Variants in TRABD2B observed in about 807,000 individuals in gnomAD.
The protein encoded by TRABD2B is TraB domain containing 2B, also known as metalloprotease TIKI2.
A neutral mutation model predicts 40.1 loss-of-function variants in TRABD2B; 14 were observed. That is an observed-to-expected ratio of 0.35 (90% CI 0.23 to 0.55). The LOEUF (loss-of-function observed/expected upper bound fraction) is 0.55. Ranked by LOEUF, TRABD2B falls within the 20% of genes least tolerant of loss-of-function variation. The probability of loss-of-function intolerance (pLI) is 0.90; values close to 1 mark genes in which losing one functional copy is unlikely to be tolerated. For synonymous variants in TRABD2B, 263 were observed against 277.0 expected (o/e 0.95, Z 0.50); for missense variants, 541 against 648.6 (o/e 0.83, Z 1.80).
intron 6 of TRABD2B, 118 bp from the exon 7 acceptor site, chr1:47,766,224 A>G: frequency 3.2e-6 from 2 of 633,454 alleles, no homozygotes; most frequent in Non-Finnish European, 2.8e-6. Flanking sequence ...GGAGAAGGGA[A>G]CAAGGAGCTT....
Position 47,903,906 on chromosome 1 carries a change from C to T in TRABD2B, c.666+90128G>A, listed in dbSNP as rs149742626. Among the ~76,000 whole-genome samples the T allele has an allele frequency of 3.9e-5, 6 of 152,286 alleles. No individual in the cohort carries two copies. The South Asian group carries it at 6.2e-4, about 16-fold the overall frequency. ...AGGCTACAGGATCTGCCTGCCTGCTCCAGTTTGGTCAGATCAGGTCACTCT... is the reference window on the plus strand; with the variant it reads ...AGGCTACAGGATCTGCCTGCCTGCTTCAGTTTGGTCAGATCAGGTCACTCT... On this transcript the variant is annotated intron_variant, in intron 2 of 6. Transcript: ENST00000606738.
chr1:47,876,853 T>G (rs1243397610), intron 2 of TRABD2B, among the ~76,000 whole-genome samples: 1 of 152,146 alleles, frequency 6.6e-6, no homozygotes, highest in East Asian at 1.9e-4. Context: ...TGCTAGGTCA[T>G]TCATGCATTC....
intron 2 of TRABD2B, among the ~76,000 whole-genome samples, chr1:47,838,300 G>C (rs1273618835): frequency 6.6e-6 from 1 of 152,214 alleles, no homozygotes; most frequent in Non-Finnish European, 1.5e-5. Context: ...TAATTGTCCT[G>C]CTTGGAAGAT....
In TRABD2B at chr1:47,765,682, T is replaced by C. The variant is rs1473941610; in HGVS notation, c.*220A>G. The C allele has an allele frequency of 8.3e-6, 5 of 601,262 alleles. No homozygotes were observed. Among genetic ancestry groups the C allele is most frequent in the Non-Finnish European group, 1.5e-5 (5 of 338,848 alleles). The allele number at this position is 601,262 out of a possible 1,614,324, so 37.2% of individuals were successfully genotyped here. A position where few individuals can be genotyped will look rare whatever the true frequency, so the allele number is the denominator to read the frequency against. On this transcript the variant is annotated 3_prime_UTR_variant, in exon 7 of 7. Coordinates refer to ENST00000606738, the MANE Select transcript of TRABD2B (RefSeq NM_001194986.2). Reference sequence around the variant, plus strand: ...ATTTTTCTTTTTTAATATGGACACGTATTTTACAAAAGAGCCCCATAGCAC... The same window carrying C: ...ATTTTTCTTTTTTAATATGGACACGCATTTTACAAAAGAGCCCCATAGCAC...
At chr1:47,876,365 A>C (rs1294284713) in intron 2 of TRABD2B, among the ~76,000 whole-genome samples, 1 of 152,190 alleles carries the variant, frequency 6.6e-6, no homozygotes, top group African/African-American at 2.4e-5. Flanking sequence ...CAGTGAAGGG[A>C]CTTCCCATGG....
intron 2 of TRABD2B, among the ~76,000 whole-genome samples, chr1:47,971,244 T>A (rs565861016): frequency 8.6e-4 from 131 of 152,286 alleles, no homozygotes; most frequent in African/African-American, 3.0e-3. Flanking sequence ...TATAGGAATA[T>A]CATGCCAGAC....
At chr1:47,910,667 G>A (rs1485844703) in intron 2 of TRABD2B, among the ~76,000 whole-genome samples, 2 of 152,178 alleles carry the variant, frequency 1.3e-5, no homozygotes, top group South Asian at 2.1e-4. Flanking sequence ...GCACAGACCT[G>A]TATGCTGTGC....
chr1:47,941,483 T>G (rs906050124), intron 2 of TRABD2B, among the ~76,000 whole-genome samples: 2 of 152,160 alleles, frequency 1.3e-5, no homozygotes, highest in Admixed American at 6.5e-5. Flanking sequence ...CCCACAAAAA[T>G]GCACCTGGTT....
At chr1:47,964,659 A>C (rs1244619724) in intron 2 of TRABD2B, among the ~76,000 whole-genome samples, 2 of 152,140 alleles carry the variant, frequency 1.3e-5, no homozygotes, top group Non-Finnish European at 2.9e-5. Flanking sequence ...TGCCTCTAGC[A>C]ATTTGTTTTT....
At chr1:47,774,970 T>A (rs1644423784) in intron 6 of TRABD2B, among the ~76,000 whole-genome samples, 200 bp downstream of exon 6, 2 of 152,220 alleles carry the variant, frequency 1.3e-5, no homozygotes, top group Admixed American at 1.3e-4. Flanking sequence ...GTGCAGAGAA[T>A]TGTACTTGTT....
chr1:47,862,296 C>A (rs1643985242), intron 2 of TRABD2B, among the ~76,000 whole-genome samples: 1 of 152,060 alleles, frequency 6.6e-6, no homozygotes, highest in South Asian at 2.1e-4. Flanking sequence ...GGAAGAAATA[C>A]ATCTTTTTTC....
chr1:47,969,268 C>T lies in TRABD2B; in HGVS notation c.666+24766G>A, dbSNP rs1257011557. Reference sequence around the variant, plus strand: ...TCTGACCTTGGGTAGGAAATAAGTGCTCACTGGGTATGTCTGCTTATAGGC... The same window carrying T: ...TCTGACCTTGGGTAGGAAATAAGTGTTCACTGGGTATGTCTGCTTATAGGC... On this transcript the variant is annotated intron_variant, in intron 2 of 6. Coordinates refer to ENST00000606738, the MANE Select transcript of TRABD2B (RefSeq NM_001194986.2). 3.3e-5 allele frequency among the ~76,000 whole-genome samples: 5 copies of T among 152,214 alleles called. No homozygotes were observed. In the East Asian group the frequency reaches 7.7e-4, roughly 23 times the overall value.
At position 47,870,540 on chromosome 1, in the gene TRABD2B, C is replaced by T. The variant is rs142362574; in HGVS notation, c.667-68921G>A. 3.9e-3 allele frequency among the ~76,000 whole-genome samples: 593 copies of T among 152,294 alleles called. 4 individuals carry two copies. Among genetic ancestry groups the T allele is most frequent in the African/African-American group, 0.013 (555 of 41,552 alleles). On this transcript the variant is annotated intron_variant, in intron 2 of 6. Coordinates refer to ENST00000606738, the MANE Select transcript of TRABD2B (RefSeq NM_001194986.2). Reference sequence around the variant, plus strand: ...CTTTATGATGGCACTTGTCACCATGCATCAGGATTACTCATGCGCACGTCC... The same window carrying T: ...CTTTATGATGGCACTTGTCACCATGTATCAGGATTACTCATGCGCACGTCC...
chr1:47,877,922 G>T (rs1644247246), intron 2 of TRABD2B, among the ~76,000 whole-genome samples: 1 of 151,574 alleles, frequency 6.6e-6, no homozygotes, highest in African/African-American at 2.4e-5. Flanking sequence ...AACCCAGGAG[G>T]CAGAGAAGTT....
chr1:47,844,419 C>T (rs1645440704), intron 2 of TRABD2B, among the ~76,000 whole-genome samples: 1 of 152,188 alleles, frequency 6.6e-6, no homozygotes, highest in African/African-American at 2.4e-5. Context: ...TTCATCTTTT[C>T]TGTGTCCTCT....
intron 2 of TRABD2B, among the ~76,000 whole-genome samples, chr1:47,894,253 T>C (rs996792178): frequency 1.3e-5 from 2 of 152,144 alleles, no homozygotes; most frequent in Non-Finnish European, 2.9e-5. Flanking sequence ...ACTGTGACCT[T>C]GGGCAAGCTA....
intron 2 of TRABD2B, among the ~76,000 whole-genome samples, chr1:47,987,709 CAGAAATAATCTG>C (rs895445788): frequency 1.3e-5 from 2 of 152,230 alleles, no homozygotes; most frequent in African/African-American, 4.8e-5. Context: ...CCTCTGGGCA[CAGAAATAATCTG>C]AGTGAGCACA....
chr1:47,787,478 G>T (rs1644611984), intron 4 of TRABD2B, among the ~76,000 whole-genome samples: 2 of 151,992 alleles, frequency 1.3e-5, no homozygotes, highest in African/African-American at 4.8e-5. Flanking sequence ...TTCTTTTCTG[G>T]CTTTTCCCTA....
chr1:47,929,108 C>T (rs1645006713), intron 2 of TRABD2B, among the ~76,000 whole-genome samples: 2 of 152,214 alleles, frequency 1.3e-5, no homozygotes, highest in Non-Finnish European at 2.9e-5. Flanking sequence ...CCTACCCAGC[C>T]TTTATGTCTC....
Sources: allele counts gnomAD v4.1 joint callset (sites outside exome capture counted in the v4.1 genomes callset), GRCh38; gene constraint gnomAD v4.1.1; transcripts MANE v1.5; gene names NCBI Gene and HGNC (gene_info 2026-07-23, HGNC 2026-07-21).